ARHGAP30: variants seen among roughly 807,000 people sequenced by gnomAD.
ARHGAP30 encodes the protein rho GTPase-activating protein 30.
A neutral mutation model predicts 72.0 loss-of-function variants in ARHGAP30; 23 were observed. That is an observed-to-expected ratio of 0.32 (90% CI 0.23 to 0.45). ARHGAP30 has a LOEUF of 0.45. Among genes scored for constraint, ARHGAP30 ranks in the 20% least tolerant of loss-of-function variants. The pLI, the probability that ARHGAP30 is intolerant of heterozygous loss-of-function variation, is 1.00. For missense variants in ARHGAP30, 1,319 were observed against 1,383.4 expected (o/e 0.95, Z 0.74); for synonymous variants, 576 against 528.2 (o/e 1.09, Z -1.24).
Position 161,048,493 on chromosome 1 carries a change from C to G in ARHGAP30, c.2528G>C (p.Gly843Ala). ...AGCCCTCTGGTCTCCCTCAGCCTCT[C>G]CATCCCCACTCTCCCGTTCCTTGCT... ...EVSKERESGDGEAEGDQRAGG... is the reference protein window; with the variant it reads ...EVSKERESGDAEAEGDQRAGG... The change falls in exon 12 of 12, where the codon GGA becomes GCA. Residue 843 changes from glycine (G) to alanine (A), a missense_variant. Physicochemically the swap from Gly to Ala is moderately conservative, Grantham distance 60. Around this residue, in one of 2 missense-constraint regions of ARHGAP30, gnomAD observed 1,097 missense variants for 1,045.2 expected, o/e 1.05. Coordinates refer to ENST00000368013, the MANE Select transcript of ARHGAP30 (RefSeq NM_001025598.2). The G allele has an allele frequency of 6.2e-7, 1 of 1,614,112 alleles. No homozygotes were observed. The highest frequency in any genetic ancestry group is 8.5e-7 in the Non-Finnish European group (1 of 1,180,012).
rs745323658 is a variant in ARHGAP30 at position 161,054,691 on chromosome 1, C to T, written c.360G>A (p.Val120=). Residue 120 remains valine, a synonymous_variant, in exon 4 of 12, where the codon GTG becomes GTA. Coordinates refer to ENST00000368013, the MANE Select transcript of ARHGAP30 (RefSeq NM_001025598.2). The stretch of plus-strand genomic sequence containing the variant: ...TGACCAAGCGCTCAGGTTCCAATTG[C>T]ACTCCTACAGCCTCCTGATTGAGAA... ...LYDKFAEAVG[V]QLEPERLVKI... The T allele has an allele frequency of 3.1e-6, 5 of 1,613,840 alleles. No homozygotes were observed. In the Admixed American group the frequency reaches 8.3e-5, roughly 27 times the overall value.
chr1:161,055,896 A>AAAT lies in ARHGAP30; in HGVS notation c.345+491_345+492insATT, dbSNP rs1491165780. On this transcript the variant is annotated intron_variant, in intron 3 of 11. Transcript: ENST00000368013. ...AAAATAAAATAAAAATAAATAAAATAAAATAAAATAAAATAAAATAAAATA... is the reference window on the plus strand; with the variant it reads ...AAAATAAAATAAAAATAAATAAAATAAATAAATAAAATAAAATAAAATAAAATA... 2.9e-4 allele frequency among the ~76,000 whole-genome samples: 35 copies of AAAT among 119,954 alleles called. 1 individual carries two copies. Among genetic ancestry groups the AAAT allele is most frequent in the East Asian group, 2.3e-3 (9 of 3,984 alleles). 78.7% of individuals were successfully genotyped at this position (119,954 alleles called of 152,430 possible).
In ARHGAP30 at chr1:161,051,367, G is replaced by C. The variant is rs374740570; in HGVS notation, c.1367C>G (p.Pro456Arg). The change falls in exon 10 of 12, where the codon CCA becomes CGA. Residue 456 changes from proline to arginine, a missense_variant. Pro to Arg is a moderately radical substitution (Grantham distance 103, BLOSUM62 -2). Coordinates refer to ENST00000368013, the MANE Select transcript of ARHGAP30 (RefSeq NM_001025598.2). ...GLECPALQHRPSPASGPGPGP... is the reference protein window; with the variant it reads ...GLECPALQHRRSPASGPGPGP... ...AGGGCCAGGGCCAGAGGCAGGGCTT[G>C]GCCGGTGCTGTAGAGCAGGGCACTC... 63 of 1,613,220 alleles carry C rather than the reference G, an allele frequency of 3.9e-5. No individual in the cohort carries two copies. Among genetic ancestry groups the C allele is most frequent in the Non-Finnish European group, 5.1e-5 (60 of 1,179,814 alleles).
intron 1 of ARHGAP30, among the ~76,000 whole-genome samples, chr1:161,066,195 C>T (rs1652752521): frequency 6.6e-6 from 1 of 150,566 alleles, no homozygotes; most frequent in Admixed American, 6.7e-5. Flanking sequence ...CCTCATACGA[C>T]CTGGCTTTCA....
chr1:161,061,356 G>A (rs141621940), intron 1 of ARHGAP30, among the ~76,000 whole-genome samples: 1,651 of 151,752 alleles, frequency 0.011, 34 homozygotes, highest in African/African-American at 0.038. Flanking sequence ...AGTAGAGACC[G>A]GGTTTCACCA....
At chr1:161,051,859 T>C (rs1316951021) in intron 9 of ARHGAP30, 144 bp from the exon 10 acceptor site, 12 of 1,420,194 alleles carry the variant, frequency 8.4e-6, no homozygotes, top group Admixed American at 2.9e-5. Flanking sequence ...CAGCTTCTTT[T>C]GATCACTACT....
chr1:161,064,249 C>T (rs1192794855), intron 1 of ARHGAP30, among the ~76,000 whole-genome samples: 1 of 152,204 alleles, frequency 6.6e-6, no homozygotes, highest in Non-Finnish European at 1.5e-5. Flanking sequence ...TGTACTCTGT[C>T]CTTTTATTTC....
Position 161,050,702 on chromosome 1 carries a change from G to A in ARHGAP30, c.1420+612C>T, listed in dbSNP as rs531434399. Reference sequence around the variant, plus strand: ...GTCGCCCAGGCTAGAGTGCAGTGGCGTGATCTCGGCTCGCTGCAGCCTCTG... The same window carrying A: ...GTCGCCCAGGCTAGAGTGCAGTGGCATGATCTCGGCTCGCTGCAGCCTCTG... On this transcript the variant is annotated intron_variant, in intron 10 of 11. Transcript: ENST00000368013. Among the ~76,000 whole-genome samples the A allele has an allele frequency of 1.4e-4, 22 of 151,862 alleles. No homozygotes were observed. The South Asian group carries it at 4.0e-3, about 27-fold the overall frequency.
Position 161,050,639 on chromosome 1 carries a change from GT to G in ARHGAP30, c.1420+674del, listed in dbSNP as rs796144648. Among the ~76,000 whole-genome samples the G allele has an allele frequency of 5.5e-3, 745 of 135,684 alleles. 3 individuals are homozygous for G. Among genetic ancestry groups the G allele is most frequent in the African/African-American group, 0.016 (623 of 38,184 alleles). 89.0% of individuals were successfully genotyped at this position (135,684 alleles called of 152,430 possible). On this transcript the variant is annotated intron_variant, in intron 10 of 11. Transcript: ENST00000368013. ...CTTGGTACTTAATAAACTGTTTTTT[GT>G]TTTTTTTTTTTTAATTTGAGACAGA...
At chr1:161,051,174 A>G in intron 10 of ARHGAP30, 140 bp downstream of exon 10, 1 of 1,387,838 alleles carries the variant, frequency 7.2e-7, no homozygotes, top group African/African-American at 1.4e-5. Context: ...TCCTGAATCT[A>G]GGGAGGCAGC....
intron 5 of ARHGAP30, among the ~76,000 whole-genome samples, 197 bp downstream of exon 5, chr1:161,054,169 T>G (rs762961628): frequency 6.6e-6 from 1 of 152,208 alleles, no homozygotes; most frequent in African/African-American, 2.4e-5. Context: ...AGGGACTTTA[T>G]TTGATCACAG....
At chr1:161,051,091 T>G (rs1651323469) in intron 10 of ARHGAP30, among the ~76,000 whole-genome samples, 1 of 152,250 alleles carries the variant, frequency 6.6e-6, no homozygotes, top group African/African-American at 2.4e-5. Flanking sequence ...GGTACATCAA[T>G]GTTCTGAAGG....
At position 161,051,417 on chromosome 1, in the gene ARHGAP30, G is replaced by C; in HGVS notation, c.1317C>G (p.Ser439=). The change falls in exon 10 of 12, where the codon TCC becomes TCG. Residue 439 remains serine, a synonymous_variant. Coordinates refer to ENST00000368013, the MANE Select transcript of ARHGAP30 (RefSeq NM_001025598.2). ...CAAGGCCACGGGTGAGCCTGGCCAA[G>C]GAAACGTTAGAGATGATGTTCGGGG... The part of the protein sequence containing the change: ...SVPPNIISNV[S]LARLTRGLEC... 6.2e-7 allele frequency: 1 copy of C among 1,614,216 alleles called. No homozygotes were observed. Among genetic ancestry groups the C allele is most frequent in the Non-Finnish European group, 8.5e-7 (1 of 1,180,044 alleles).
chr1:161,060,017 C>A (rs1262320465), intron 1 of ARHGAP30: 4 of 343,538 alleles, frequency 1.2e-5, no homozygotes, highest in African/African-American at 2.1e-5. Flanking sequence ...TGCAGTGGCT[C>A]ACCCCTGTAA....
At position 161,049,055 on chromosome 1, in the gene ARHGAP30, C is replaced by G; in HGVS notation, c.1966G>C (p.Glu656Gln). The change falls in exon 12 of 12, where the codon GAA becomes CAA. Residue 656 changes from glutamate (E) to glutamine (Q), a missense_variant. Coordinates refer to ENST00000368013, the MANE Select transcript of ARHGAP30 (RefSeq NM_001025598.2). ...GQGGEEQACW[E>Q]VGEDKQAEPG... ...TCAGCCTGCTTGTCCTCCCCAACTTCCCAGCATGCCTGCTCTTCCCCACCC... is the reference window on the plus strand; with the variant it reads ...TCAGCCTGCTTGTCCTCCCCAACTTGCCAGCATGCCTGCTCTTCCCCACCC... 1.2e-6 allele frequency: 2 copies of G among 1,614,164 alleles called. No homozygotes were observed. The highest frequency in any genetic ancestry group is 1.3e-5 in the African/African-American group (1 of 75,050).
chr1:161,049,186 G>A lies in ARHGAP30; in HGVS notation c.1835C>T (p.Ala612Val). ...CAGAAGGGGACTTAGGTCATCATAG[G>A]CACTCAGGAAAACTTCCTCCCCATT... ...EENGEEVFLS[A>V]YDDLSPLLGP... The change falls in exon 12 of 12, where the codon GCC (alanine) becomes GTC (valine). Residue 612 changes from alanine to valine, a missense_variant. Coordinates refer to ENST00000368013, the MANE Select transcript of ARHGAP30 (RefSeq NM_001025598.2). The A allele has an allele frequency of 1.2e-6, 2 of 1,614,142 alleles. No homozygotes were observed. The highest frequency in any genetic ancestry group is 1.7e-6 in the Non-Finnish European group (2 of 1,179,996).
intron 9 of ARHGAP30, 115 bp from the exon 10 acceptor site, chr1:161,051,830 G>T (rs747395577): frequency 1.4e-6 from 2 of 1,436,296 alleles, no homozygotes; most frequent in Non-Finnish European, 1.8e-6. Context: ...AGCAACGATA[G>T]CCTGGAAGGC....
intron 1 of ARHGAP30, among the ~76,000 whole-genome samples, chr1:161,061,286 C>T (rs1652291673): frequency 6.6e-6 from 1 of 152,080 alleles, no homozygotes; most frequent in South Asian, 2.1e-4. Context: ...CTGCCTCAGC[C>T]TCCCAAGTAG....
chr1:161,055,906 A>AAAATAAAAAT (rs1651833331), intron 3 of ARHGAP30, among the ~76,000 whole-genome samples: 6 of 28,782 alleles, frequency 2.1e-4, no homozygotes, highest in Admixed American at 9.2e-4. Flanking sequence ...AAAATAAAAT[A>AAAATAAAAAT]AAATAAAATA....
Sources: gnomAD v4.1 joint callset for allele counts (sites outside exome capture counted in the v4.1 genomes callset) on GRCh38, gnomAD v4.1.1 for gene constraint, gnomAD v4.1.1 regional missense constraint, MANE v1.5 for transcripts, NCBI Gene and HGNC (gene_info 2026-07-23, HGNC 2026-07-21) for gene names.